Variants in GRM5 observed in about 807,000 individuals in gnomAD.
GRM5 encodes the protein glutamate metabotropic receptor 5.
A neutral mutation model predicts 83.1 loss-of-function variants in GRM5; 19 were observed. That is an observed-to-expected ratio of 0.23 (90% confidence interval 0.16 to 0.34). The LOEUF is 0.34. GRM5 is among the 10% of genes least tolerant of loss of function. GRM5 has a pLI of 1.00. For missense variants in GRM5, 1,160 were observed against 1,588.3 expected, an observed-to-expected ratio of 0.73 and a Z score of 4.58; for synonymous variants, 675 against 633.6, an observed-to-expected ratio of 1.07 and a Z score of -0.98.
At chr11:88,797,137 G>C (rs1347495890) in intron 3 of GRM5, among the ~76,000 whole-genome samples, 3 of 151,880 alleles carry the variant, frequency 2.0e-5, no homozygotes, top group Admixed American at 6.6e-5. Context: ...TGTTGTTGTT[G>C]TTTGTTTTGT....
At chr11:88,988,728 T>A (rs1321745582) in intron 2 of GRM5, among the ~76,000 whole-genome samples, 1 of 150,518 alleles carries the variant, frequency 6.6e-6, no homozygotes, top group African/African-American at 2.4e-5. Context: ...AGAAAAGAAT[T>A]TTCAACCAAG....
At chr11:88,669,895 G>C (rs1365718137) in intron 3 of GRM5, among the ~76,000 whole-genome samples, 2 of 151,934 alleles carry the variant, frequency 1.3e-5, no homozygotes, top group Non-Finnish European at 2.9e-5. Context: ...ATTCCAGTGG[G>C]TTTTCCTTGG....
Position 88,658,469 on chromosome 11 carries a change from T to C in GRM5, c.912-5066A>G, listed in dbSNP as rs1201805480. Among the ~76,000 whole-genome samples the C allele has an allele frequency of 2.0e-5, 3 of 152,120 alleles. No individual in the cohort carries two copies. In the East Asian group the frequency reaches 5.8e-4, roughly 29 times the overall value. On this transcript the variant is annotated intron_variant, in intron 3 of 9. Transcript: ENST00000305447. ...AAATGCAATTGACAGCATCACTGTG[T>C]GTTGAAATTGTATTGAAACTGAGAA... is the stretch of plus-strand genomic sequence containing the variant.
At chr11:88,750,544 A>G (rs550914628) in intron 3 of GRM5, among the ~76,000 whole-genome samples, 1 of 152,326 alleles carries the variant, frequency 6.6e-6, no homozygotes, top group Non-Finnish European at 1.5e-5. Flanking sequence ...AAAATTAACA[A>G]AGATATGCAG....
chr11:89,010,696 A>G (rs1940669057), intron 2 of GRM5, among the ~76,000 whole-genome samples: 1 of 151,556 alleles, frequency 6.6e-6, no homozygotes, highest in Non-Finnish European at 1.5e-5. Context: ...AACTTTTTAG[A>G]TGACTAAGTG....
At chr11:88,810,504 G>C (rs1173294836) in intron 3 of GRM5, among the ~76,000 whole-genome samples, 2 of 152,050 alleles carry the variant, frequency 1.3e-5, no homozygotes, top group Non-Finnish European at 2.9e-5. Context: ...GTGGGGCCCA[G>C]CAAGACAGGG....
At chr11:88,547,376 T>G (rs1942408301) in intron 8 of GRM5, among the ~76,000 whole-genome samples, 1 of 152,148 alleles carries the variant, frequency 6.6e-6, no homozygotes. Context: ...GGTTGAATTC[T>G]CCAAAGAAGA....
At chr11:89,014,976 T>C (rs1940812802) in intron 2 of GRM5, among the ~76,000 whole-genome samples, 2 of 152,230 alleles carry the variant, frequency 1.3e-5, no homozygotes, top group South Asian at 4.1e-4. Context: ...GGCTGATTCA[T>C]AGGGCGGCCA....
At chr11:88,659,786 A>T (rs552206847) in intron 3 of GRM5, among the ~76,000 whole-genome samples, 1 of 152,228 alleles carries the variant, frequency 6.6e-6, no homozygotes, top group African/African-American at 2.4e-5. Context: ...TACGAAGATA[A>T]AAGTCTAAGG....
At chr11:88,766,225 C>T (rs1161844021) in intron 3 of GRM5, among the ~76,000 whole-genome samples, 1 of 151,812 alleles carries the variant, frequency 6.6e-6, no homozygotes. Flanking sequence ...TTCTATGAAG[C>T]CACAAAGGAG....
intron 3 of GRM5, among the ~76,000 whole-genome samples, chr11:88,695,878 C>T (rs1346911640): frequency 1.3e-5 from 2 of 152,102 alleles, no homozygotes; most frequent in African/African-American, 4.8e-5. Flanking sequence ...CGGCGTTGTC[C>T]AGGGTTGAGT....
At chr11:88,778,609 ATGT>A (rs1251947980) in intron 3 of GRM5, among the ~76,000 whole-genome samples, 1 of 152,100 alleles carries the variant, frequency 6.6e-6, no homozygotes, top group Non-Finnish European at 1.5e-5. Flanking sequence ...CTTCATTTTT[ATGT>A]TGTTATTAAA....
At chr11:88,611,426 T>C (rs1223243709) in intron 4 of GRM5, among the ~76,000 whole-genome samples, 1 of 152,202 alleles carries the variant, frequency 6.6e-6, no homozygotes, top group Non-Finnish European at 1.5e-5. Context: ...TTTTTATTTC[T>C]TCCTGGTTCA....
At chr11:89,006,154 G>A (rs1431322174) in intron 2 of GRM5, among the ~76,000 whole-genome samples, 1 of 152,098 alleles carries the variant, frequency 6.6e-6, no homozygotes, top group African/African-American at 2.4e-5. Flanking sequence ...GAAAGAGGAC[G>A]TAATTTATAA....
intron 4 of GRM5, among the ~76,000 whole-genome samples, chr11:88,633,782 A>C (rs145822273): frequency 6.6e-6 from 1 of 152,254 alleles, no homozygotes; most frequent in Non-Finnish European, 1.5e-5. Context: ...TGGCCTTCCA[A>C]AGTGCTGAGA....
chr11:88,526,726 T>G (rs758335415), intron 8 of GRM5, among the ~76,000 whole-genome samples: 90 of 148,696 alleles, frequency 6.1e-4, no homozygotes, highest in Non-Finnish European at 1.2e-3. Flanking sequence ...GCCTTCCTCT[T>G]AATTTTTTTT....
rs570001798 is a variant in GRM5, at chr11:88,631,133, T to C, written c.1147+22035A>G. On this transcript the variant is annotated intron_variant, in intron 4 of 9. Coordinates refer to ENST00000305447, the MANE Select transcript of GRM5 (RefSeq NM_001143831.3). ...CCTTCCCACATAGTTGTCATGGTGA[T>C]GTGGGCAAACTCATATATAGCATCT... Among the ~76,000 whole-genome samples, 3 of 152,304 alleles carry C rather than the reference T, an allele frequency of 2.0e-5. No homozygotes were observed. The South Asian group carries it at 6.2e-4, about 32-fold the overall frequency.
At chr11:88,827,818 A>G (rs1943919204) in intron 3 of GRM5, among the ~76,000 whole-genome samples, 1 of 152,216 alleles carries the variant, frequency 6.6e-6, no homozygotes, top group Non-Finnish European at 1.5e-5. Context: ...CTTACCTTCT[A>G]GCATAGACTA....
chr11:88,973,891 A>G (rs1264286260), intron 2 of GRM5, among the ~76,000 whole-genome samples: 1 of 152,178 alleles, frequency 6.6e-6, no homozygotes, highest in Non-Finnish European at 1.5e-5. Context: ...ATTACCGAAT[A>G]ATGCTTTTAA....
Sources: gnomAD v4.1 joint callset for allele counts (sites outside exome capture counted in the v4.1 genomes callset) on GRCh38, gnomAD v4.1.1 for gene constraint, MANE v1.5 for transcripts, NCBI Gene and HGNC (gene_info 2026-07-23, HGNC 2026-07-21) for gene names.